Variants in PRRG4 observed in about 807,000 individuals in gnomAD.
PRRG4 encodes the protein proline rich and Gla domain 4.
A neutral mutation model predicts 20.0 loss-of-function variants in PRRG4; 12 were observed. The ratio of observed to expected loss-of-function variants is 0.60; its 90% CI spans 0.38 to 0.97. The LOEUF is 0.97. Among genes scored for constraint, PRRG4 ranks in the 50% least tolerant of loss-of-function variants. PRRG4 has a pLI of 0.00. For synonymous variants in PRRG4, 94 were observed against 96.4 expected, an observed-to-expected ratio of 0.98 and a Z score of 0.15; for missense variants, 199 against 265.1, an observed-to-expected ratio of 0.75 and a Z score of 1.73.
chr11:32,845,175 C>A (rs2133446419), intron 5 of PRRG4, among the ~76,000 whole-genome samples: 1 of 152,236 alleles, frequency 6.6e-6, no homozygotes, highest in South Asian at 2.1e-4. Flanking sequence ...CTGTTGCTAA[C>A]CATATACTGT....
chr11:32,841,131 T>C (rs1320968376), intron 5 of PRRG4, among the ~76,000 whole-genome samples: 1 of 151,992 alleles, frequency 6.6e-6, no homozygotes, highest in Admixed American at 6.6e-5. Context: ...TATTTATCAC[T>C]ATTCACACTT....
intron 4 of PRRG4, 90 bp downstream of exon 4, chr11:32,839,020 C>A: frequency 1.1e-6 from 1 of 906,450 alleles, no homozygotes; most frequent in Non-Finnish European, 1.8e-6. Flanking sequence ...TTGGTTGTTG[C>A]GCAACATACA....
chr11:32,841,487 C>CA (rs1373269758), intron 5 of PRRG4, among the ~76,000 whole-genome samples: 2 of 151,946 alleles, frequency 1.3e-5, no homozygotes, highest in East Asian at 3.9e-4. Flanking sequence ...AATCCTAGAC[C>CA]AAAAAAATGA....
intron 1 of PRRG4, 130 bp from the exon 2 acceptor site, chr11:32,830,378 C>T: frequency 1.1e-6 from 1 of 918,448 alleles, no homozygotes; most frequent in South Asian, 3.0e-5. Context: ...GTTCCGGCGA[C>T]CGAAACCGCG....
At chr11:32,836,580 C>G in intron 2 of PRRG4, 78 bp from the exon 3 acceptor site, 1 of 795,684 alleles carries the variant, frequency 1.3e-6, no homozygotes, top group South Asian at 2.6e-5. Flanking sequence ...GAGAACTATT[C>G]ACTTTTTTCC....
At chr11:32,830,779 TG>T (rs747605192) in intron 2 of PRRG4, 147 bp downstream of exon 2, 33 of 1,275,604 alleles carry the variant, frequency 2.6e-5, no homozygotes, top group Non-Finnish European at 3.0e-5. Context: ...GGCAAGGTTG[TG>T]TTTTTTTATG....
chr11:32,837,111 G>A (rs193104138), intron 3 of PRRG4, among the ~76,000 whole-genome samples: 1 of 152,232 alleles, frequency 6.6e-6, no homozygotes, highest in Non-Finnish European at 1.5e-5. Context: ...AAGATTTTGT[G>A]GTTAGTGCTC....
chr11:32,835,862 G>T (rs1179676235), intron 2 of PRRG4, among the ~76,000 whole-genome samples: 1 of 152,126 alleles, frequency 6.6e-6, no homozygotes, highest in East Asian at 1.9e-4. Context: ...CCAGCACTTT[G>T]GGAGGCTCAG....
At chr11:32,839,859 A>ATATATATATTTTAAATATTTAAAAT (rs1163593544) in intron 4 of PRRG4, among the ~76,000 whole-genome samples, 11 of 147,110 alleles carry the variant, frequency 7.5e-5, no homozygotes, top group Admixed American at 2.7e-4. Context: ...ATATTTAAAA[A>ATATATATATTTTAAATATTTAAAAT]ATATATATAT....
intron 3 of PRRG4, among the ~76,000 whole-genome samples, chr11:32,837,715 G>A (rs993106076): frequency 1.1e-4 from 17 of 151,672 alleles, no homozygotes; most frequent in African/African-American, 2.9e-4. Context: ...ATGCCACCAC[G>A]CCTGGCTAAT....
Position 32,836,720 on chromosome 11 carries a change from G to C in PRRG4, c.166G>C (p.Asp56His). 1 of 1,611,262 alleles carries C rather than the reference G, an allele frequency of 6.2e-7. No homozygotes were observed. Among genetic ancestry groups the C allele is most frequent in the African/African-American group, 1.3e-5 (1 of 74,960 alleles). ...TAGACGCCTTCTGTATAATAGATTT[G>C]ATCTGGAGCTCTTCACTCCCGGCAA... ...IHRRLLYNRF[D>H]LELFTPGNLE... Residue 56 changes from aspartate (D) to histidine (H), a missense_variant, in exon 3 of 6, where the codon GAT becomes CAT. Coordinates refer to ENST00000257836, the MANE Select transcript of PRRG4 (RefSeq NM_024081.6).
intron 3 of PRRG4, among the ~76,000 whole-genome samples, chr11:32,837,517 GATGATGAT>G (rs1851031547): frequency 5.2e-5 from 4 of 77,178 alleles, no homozygotes; most frequent in Non-Finnish European, 8.1e-5. Flanking sequence ...AGATGATGAT[GATGATGAT>G]GATGATGATG....
chr11:32,846,599 G>T (rs1851132752), intron 5 of PRRG4, among the ~76,000 whole-genome samples: 1 of 144,322 alleles, frequency 6.9e-6, no homozygotes, highest in South Asian at 2.2e-4. Context: ...GAAACAGGAA[G>T]ACAGAGGAAA....
chr11:32,842,203 A>G (rs1851085646), intron 5 of PRRG4, among the ~76,000 whole-genome samples: 1 of 152,162 alleles, frequency 6.6e-6, no homozygotes, highest in South Asian at 2.1e-4. Flanking sequence ...CCAAACTAGG[A>G]ATTTGGAGGC....
At chr11:32,838,844 G>T (rs1851048512) in intron 3 of PRRG4, 38 bp from the exon 4 acceptor site, 1 of 1,467,260 alleles carries the variant, frequency 6.8e-7, no homozygotes, top group East Asian at 2.3e-5. Context: ...TGATAATAAA[G>T]ATATTGAATA....
chr11:32,837,032 G>GTT (rs1267446622), intron 3 of PRRG4, among the ~76,000 whole-genome samples: 7 of 152,190 alleles, frequency 4.6e-5, no homozygotes, highest in African/African-American at 1.7e-4. Context: ...ATTATTGACT[G>GTT]TTGTGATTTT....
rs924131638 is a variant in PRRG4 at position 32,835,356 on chromosome 11, C to G, written c.104-1302C>G. On this transcript the variant is annotated intron_variant, in intron 2 of 5. Coordinates refer to ENST00000257836, the MANE Select transcript of PRRG4 (RefSeq NM_024081.6). ...TTTCAATTGCCTACTTTAATACATTCTTTCTTTAGAAATGGTGAGCAGTGA... is the reference window on the plus strand; with the variant it reads ...TTTCAATTGCCTACTTTAATACATTGTTTCTTTAGAAATGGTGAGCAGTGA... 7.2e-5 allele frequency among the ~76,000 whole-genome samples: 11 copies of G among 152,242 alleles called. 1 individual carries two copies. Among genetic ancestry groups the G allele is most frequent in the Admixed American group, 5.9e-4 (9 of 15,282 alleles).
chr11:32,848,379 CG>C (rs1374245938), intron 5 of PRRG4, among the ~76,000 whole-genome samples: 2 of 152,002 alleles, frequency 1.3e-5, no homozygotes, highest in African/African-American at 4.8e-5. Flanking sequence ...GAGTTTTGAG[CG>C]GGGCAAAAAC....
chr11:32,845,549 G>A (rs1017826020), intron 5 of PRRG4, among the ~76,000 whole-genome samples: 12 of 151,466 alleles, frequency 7.9e-5, no homozygotes, highest in African/African-American at 2.2e-4. Flanking sequence ...GGAGAGTGGC[G>A]TGAACCCGGG....
Sources: gnomAD v4.1 joint callset for allele counts (sites outside exome capture counted in the v4.1 genomes callset) on GRCh38, gnomAD v4.1.1 for gene constraint, MANE v1.5 for transcripts, NCBI Gene and HGNC (gene_info 2026-07-23, HGNC 2026-07-21) for gene names.